Variants in DLG1 observed in about 807,000 individuals in gnomAD.
DLG1 encodes disks large homolog 1.
DLG1 carries 42 observed loss-of-function variants against 123.4 expected under a neutral mutation model. The observed-to-expected ratio is 0.34, with a 90% confidence interval of 0.27 to 0.44. DLG1 has a LOEUF of 0.44. Among genes scored for constraint, DLG1 ranks in the 20% least tolerant of loss-of-function variants. DLG1 has a pLI of 1.00. For synonymous variants in DLG1, 317 were observed against 356.2 expected (o/e 0.89, Z 1.24); for missense variants, 942 against 1,082.6 (o/e 0.87, Z 1.82).
At chr3:197,188,403 C>G (rs1717358809) in intron 5 of DLG1, among the ~76,000 whole-genome samples, 1 of 152,186 alleles carries the variant, frequency 6.6e-6, no homozygotes, top group African/African-American at 2.4e-5. Flanking sequence ...TAAAAAAATA[C>G]TAATCACTGA....
intron 7 of DLG1, 133 bp downstream of exon 7, chr3:197,142,585 G>T: frequency 3.7e-6 from 2 of 543,290 alleles, no homozygotes; most frequent in South Asian, 5.5e-5. Flanking sequence ...AAATACCTTG[G>T]CCAATTTTAT....
At chr3:197,201,560 A>G (rs139527946) in intron 4 of DLG1, among the ~76,000 whole-genome samples, 9 of 152,330 alleles carry the variant, frequency 5.9e-5, no homozygotes, top group African/African-American at 2.2e-4. Context: ...TCCCATTTAC[A>G]ATAACTACAA....
At chr3:197,066,308 G>A (rs978848308) in intron 20 of DLG1, among the ~76,000 whole-genome samples, 12 of 152,044 alleles carry the variant, frequency 7.9e-5, no homozygotes, top group African/African-American at 2.9e-4. Flanking sequence ...TGTGATAGAA[G>A]GGATGAAAAG....
intron 4 of DLG1, among the ~76,000 whole-genome samples, chr3:197,244,045 T>C (rs1224898677): frequency 6.6e-6 from 1 of 152,166 alleles, no homozygotes. Context: ...CCATCCTACA[T>C]TTGCTTGGGG....
chr3:197,135,368 G>A (rs997556841), intron 10 of DLG1, among the ~76,000 whole-genome samples: 1 of 152,166 alleles, frequency 6.6e-6, no homozygotes, highest in African/African-American at 2.4e-5. Context: ...TAGTGAGTGA[G>A]TCTCATGAGA....
intron 24 of DLG1, among the ~76,000 whole-genome samples, chr3:197,050,434 ATATG>A (rs71623331): frequency 6.6e-6 from 1 of 152,112 alleles, no homozygotes; most frequent in East Asian, 1.9e-4. Context: ...ATATATATAT[ATATG>A]TATGTATGTA....
At chr3:197,089,397 T>A (rs1329336889) in intron 15 of DLG1, among the ~76,000 whole-genome samples, 1 of 151,842 alleles carries the variant, frequency 6.6e-6, no homozygotes, top group Non-Finnish European at 1.5e-5. Flanking sequence ...CATGGTGGCA[T>A]GTGCCTACAG....
At chr3:197,296,713 C>G in intron 2 of DLG1, 1 of 424,970 alleles carries the variant, frequency 2.4e-6, no homozygotes. Flanking sequence ...GGAGAGTGAG[C>G]AGTTTGGAAT....
At chr3:197,060,393 C>T (rs999838877) in intron 22 of DLG1, among the ~76,000 whole-genome samples, 14 of 152,072 alleles carry the variant, frequency 9.2e-5, no homozygotes, top group East Asian at 3.8e-4. Flanking sequence ...CTTAGCCTCC[C>T]GAAGTGCTGG....
chr3:197,284,439 TA>T (rs1198474619), intron 3 of DLG1, among the ~76,000 whole-genome samples: 1 of 152,196 alleles, frequency 6.6e-6, no homozygotes, highest in Non-Finnish European at 1.5e-5. Flanking sequence ...CTACCTAGTA[TA>T]AAATGATAGT....
At chr3:197,274,795 T>C (rs1165525161) in intron 4 of DLG1, among the ~76,000 whole-genome samples, 1 of 152,148 alleles carries the variant, frequency 6.6e-6, no homozygotes, top group Non-Finnish European at 1.5e-5. Flanking sequence ...AATGCACAAA[T>C]GATCAGATTA....
intron 23 of DLG1, among the ~76,000 whole-genome samples, chr3:197,054,431 TTC>T (rs1399042678): frequency 1.1e-4 from 16 of 152,250 alleles, no homozygotes; most frequent in Admixed American, 2.0e-4. Flanking sequence ...CTTCAGTCAT[TTC>T]TCTGTTTCGC....
intron 4 of DLG1, among the ~76,000 whole-genome samples, chr3:197,209,248 A>G (rs1375904026): frequency 3.4e-5 from 5 of 146,582 alleles, no homozygotes; most frequent in African/African-American, 1.2e-4. Context: ...AAGTGCCTAT[A>G]TTAACATATG....
chr3:197,191,787 T>C (rs1019979848), intron 5 of DLG1, among the ~76,000 whole-genome samples: 5 of 152,186 alleles, frequency 3.3e-5, no homozygotes, highest in African/African-American at 9.7e-5. Flanking sequence ...GTTAAACATA[T>C]ATTAAAATTT....
chr3:197,215,574 T>C (rs143051127), intron 4 of DLG1, among the ~76,000 whole-genome samples: 5 of 151,684 alleles, frequency 3.3e-5, no homozygotes, highest in African/African-American at 1.2e-4. Context: ...CATCAGAAGA[T>C]AACATAACGG....
chr3:197,206,406 C>T, intron 4 of DLG1, among the ~76,000 whole-genome samples: 1 of 152,080 alleles, frequency 6.6e-6, no homozygotes, highest in Non-Finnish European at 1.5e-5. Flanking sequence ...CTCAAGAAAT[C>T]CTCCAGCCTC....
At chr3:197,160,008 A>G (rs1798152978) in intron 5 of DLG1, among the ~76,000 whole-genome samples, 3 of 152,204 alleles carry the variant, frequency 2.0e-5, no homozygotes, top group African/African-American at 4.8e-5. Context: ...AAGCGCCTCA[A>G]GTTAGTACTC....
intron 22 of DLG1, among the ~76,000 whole-genome samples, chr3:197,063,862 G>A (rs1371389194): frequency 6.6e-6 from 1 of 151,308 alleles, no homozygotes; most frequent in Non-Finnish European, 1.5e-5. Flanking sequence ...CCAAGAAAAT[G>A]TCTTCATATT....
intron 5 of DLG1, chr3:197,161,853 G>A: frequency 4.7e-6 from 3 of 634,668 alleles, no homozygotes; most frequent in Non-Finnish European, 8.1e-6. Flanking sequence ...CTATGCAACA[G>A]GAAAAACATT....
Sources: gnomAD v4.1 joint callset for allele counts (sites outside exome capture counted in the v4.1 genomes callset) on GRCh38, gnomAD v4.1.1 for gene constraint, MANE v1.5 for transcripts, NCBI Gene and HGNC (gene_info 2026-07-23, HGNC 2026-07-21) for gene names.